Variants in LUZP2 observed in about 807,000 individuals in gnomAD.
LUZP2 encodes leucine zipper protein 2.
In LUZP2, 52 loss-of-function variants were observed where a neutral mutation model predicts 51.6. The observed-to-expected ratio is 1.01, with a 90% confidence interval of 0.81 to 1.27. The LOEUF (loss-of-function observed/expected upper bound fraction) is 1.27, where lower values mean the gene tolerates loss of function less well. Among genes scored for constraint, LUZP2 ranks in the 50% most tolerant of loss-of-function variants. The probability of loss-of-function intolerance (pLI) is 0.00; values close to 1 mark genes in which losing one functional copy is unlikely to be tolerated. For missense variants in LUZP2, 436 were observed against 395.4 expected (o/e 1.10, Z -0.87); for synonymous variants, 154 against 137.3 (o/e 1.12, Z -0.85).
intron 1 of LUZP2, among the ~76,000 whole-genome samples, chr11:24,659,913 G>C (rs910573326): frequency 1.3e-5 from 2 of 152,082 alleles, no homozygotes; most frequent in African/African-American, 4.8e-5. Context: ...GATTGTGTTA[G>C]ATTAGATTAG....
intron 10 of LUZP2, among the ~76,000 whole-genome samples, chr11:25,051,052 G>T (rs1310567121): frequency 6.6e-6 from 1 of 152,166 alleles, no homozygotes; most frequent in East Asian, 1.9e-4. Flanking sequence ...AACTTGAAAA[G>T]TGTCTGATGA....
intron 4 of LUZP2, among the ~76,000 whole-genome samples, chr11:24,756,224 T>C (rs758117174): frequency 6.6e-6 from 1 of 152,206 alleles, no homozygotes; most frequent in Non-Finnish European, 1.5e-5. Context: ...CTCACATGTA[T>C]TGATACACTG....
At chr11:24,877,873 G>T (rs578252490) in intron 5 of LUZP2, among the ~76,000 whole-genome samples, 18 of 152,118 alleles carry the variant, frequency 1.2e-4, no homozygotes, top group South Asian at 1.0e-3. Flanking sequence ...GTCTTTCAGT[G>T]CCTGGCTTAT....
At chr11:24,888,844 G>T (rs1026644619) in intron 5 of LUZP2, among the ~76,000 whole-genome samples, 33 of 151,948 alleles carry the variant, frequency 2.2e-4, no homozygotes, top group African/African-American at 8.0e-4. Flanking sequence ...TTTTGTAAGG[G>T]GCTCTTCCCA....
At chr11:24,522,384 C>T (rs1014557942) in intron 1 of LUZP2, among the ~76,000 whole-genome samples, 2 of 151,452 alleles carry the variant, frequency 1.3e-5, no homozygotes, top group East Asian at 3.9e-4. Context: ...TTGAAAGAAG[C>T]AAAATCTGTT....
chr11:24,874,587 C>A (rs768507353), intron 5 of LUZP2, among the ~76,000 whole-genome samples: 1 of 152,140 alleles, frequency 6.6e-6, no homozygotes, highest in Non-Finnish European at 1.5e-5. Flanking sequence ...TCCCTAATAG[C>A]CCCAGTGTAA....
chr11:24,752,879 T>A (rs1859645342), intron 4 of LUZP2, among the ~76,000 whole-genome samples: 1 of 152,020 alleles, frequency 6.6e-6, no homozygotes, highest in African/African-American at 2.4e-5. Context: ...ACAGAATAAC[T>A]AAAATTAAAA....
At chr11:25,039,932 T>C (rs1328017132) in intron 9 of LUZP2, among the ~76,000 whole-genome samples, 3 of 152,166 alleles carry the variant, frequency 2.0e-5, no homozygotes, top group African/African-American at 7.2e-5. Flanking sequence ...TACAGACACT[T>C]TCTCTGATCA....
At chr11:24,990,488 A>G (rs1253824588) in intron 9 of LUZP2, among the ~76,000 whole-genome samples, 2 of 152,086 alleles carry the variant, frequency 1.3e-5, no homozygotes, top group Non-Finnish European at 2.9e-5. Flanking sequence ...TTGGTAATAT[A>G]TGGTTCAAAT....
intron 7 of LUZP2, among the ~76,000 whole-genome samples, chr11:24,971,386 G>C (rs1855731433): frequency 6.6e-6 from 1 of 152,036 alleles, no homozygotes; most frequent in Non-Finnish European, 1.5e-5. Context: ...GTTCAGCTTT[G>C]CTCACTTGCC....
At chr11:25,075,672 T>C (rs1156950) in intron 10 of LUZP2, among the ~76,000 whole-genome samples, 1 of 151,770 alleles carries the variant, frequency 6.6e-6, no homozygotes, top group Non-Finnish European at 1.5e-5. Context: ...AAAAGATAAA[T>C]TATGGCAGAA....
intron 2 of LUZP2, among the ~76,000 whole-genome samples, chr11:24,731,546 G>A (rs2133971185): frequency 6.6e-6 from 1 of 151,788 alleles, no homozygotes; most frequent in African/African-American, 2.4e-5. Context: ...AAACACTAAG[G>A]ACTGAAGTAG....
At chr11:24,637,685 G>T (rs112068447) in intron 1 of LUZP2, among the ~76,000 whole-genome samples, 8 of 151,950 alleles carry the variant, frequency 5.3e-5, no homozygotes, top group African/African-American at 1.7e-4. Context: ...CTGGTCTCCT[G>T]CAGTGCCCTC....
At chr11:24,879,387 G>T (rs1286853454) in intron 5 of LUZP2, among the ~76,000 whole-genome samples, 2 of 152,072 alleles carry the variant, frequency 1.3e-5, no homozygotes, top group African/African-American at 4.8e-5. Flanking sequence ...ATGCATGTAC[G>T]TATGTCTTTA....
At chr11:25,065,997 A>C (rs1385617061) in intron 10 of LUZP2, among the ~76,000 whole-genome samples, 1 of 152,008 alleles carries the variant, frequency 6.6e-6, no homozygotes, top group Non-Finnish European at 1.5e-5. Context: ...TTAGCACACA[A>C]ATAGTAAGAG....
rs1854101716 is a variant in LUZP2, at chr11:24,611,062, T to TC, written c.62+113757_62+113758insC. ...CTTACATGACATAGCTTTGTTTTTTTTTATTTTTATTTTTTGTTTTGTTTT... is the reference window on the plus strand; with the variant it reads ...CTTACATGACATAGCTTTGTTTTTTTCTTATTTTTATTTTTTGTTTTGTTTT... On this transcript the variant is annotated intron_variant, in intron 1 of 11. Coordinates refer to ENST00000336930, the MANE Select transcript of LUZP2 (RefSeq NM_001009909.4). This position sits in a 1 kb window ranked among gnomAD's most constrained non-coding sequence, Gnocchi z 4.6. 6.6e-6 allele frequency among the ~76,000 whole-genome samples: 1 copy of TC among 151,992 alleles called. No homozygotes were observed. The highest frequency in any genetic ancestry group is 1.5e-5 in the Non-Finnish European group (1 of 67,980).
intron 1 of LUZP2, among the ~76,000 whole-genome samples, chr11:24,541,985 A>G (rs563054311): frequency 1.9e-4 from 29 of 152,248 alleles, no homozygotes; most frequent in African/African-American, 5.3e-4. Flanking sequence ...CTGAGACAGA[A>G]TGGATTTATG....
intron 10 of LUZP2, among the ~76,000 whole-genome samples, chr11:25,063,016 A>AT (rs776676969): frequency 4.7e-4 from 70 of 150,474 alleles, no homozygotes; most frequent in Admixed American, 5.3e-4. Context: ...TAAATTTTGT[A>AT]TTTTTTTTCA....
Position 24,962,404 on chromosome 11 carries a change from A to G in LUZP2, c.523-14187A>G, listed in dbSNP as rs376225479. Among the ~76,000 whole-genome samples, 4 of 152,204 alleles carry G rather than the reference A, an allele frequency of 2.6e-5. No individual in the cohort carries two copies. The South Asian group carries it at 8.3e-4, about 32-fold the overall frequency. On this transcript the variant is annotated intron_variant, in intron 7 of 11. Transcript: ENST00000336930. ...CTCCCCATCACTTTCAGGTACACCA[A>G]TCAGACGTAGATTTGGTTTTTTCAC...
Sources: allele counts gnomAD v4.1 joint callset (sites outside exome capture counted in the v4.1 genomes callset), GRCh38; gene constraint gnomAD v4.1.1; non-coding constraint Gnocchi (gnomAD v3.1); transcripts MANE v1.5; gene names NCBI Gene and HGNC (gene_info 2026-07-23, HGNC 2026-07-21).